The following PIEZO1 variants were observed in gnomAD, a reference collection of about 807,000 sequenced individuals.
The protein encoded by PIEZO1 is piezo type mechanosensitive ion channel component 1 (Er blood group), also known as piezo-type mechanosensitive ion channel component 1.
Under a neutral mutation model 297.2 loss-of-function variants are expected in PIEZO1, and 296 were observed. The ratio of observed to expected loss-of-function variants is 1.00; its 90% CI spans 0.91 to 1.10. The LOEUF is 1.10. PIEZO1 is among the 50% of genes least tolerant of loss of function. The pLI is 0.00. For synonymous variants in PIEZO1, 2,427 were observed against 1,507.5 expected, an observed-to-expected ratio of 1.61 and a Z score of -14.13; for missense variants, 5,018 against 3,455.5, an observed-to-expected ratio of 1.45 and a Z score of -11.34.
intron 21 of PIEZO1, 131 bp from the exon 22 acceptor site, chr16:88,732,041 C>A: frequency 1.2e-5 from 1 of 84,520 alleles, no homozygotes; most frequent in Non-Finnish European, 2.1e-5. Context: ...AAGGACAGGG[C>A]CAGCGGCGCT....
In PIEZO1 at chr16:88,737,730, G is replaced by T; in HGVS notation, c.1105C>A (p.Gln369Lys). 1 of 1,535,404 alleles carries T rather than the reference G, an allele frequency of 6.5e-7. No individual in the cohort carries two copies. The highest frequency in any genetic ancestry group is 1.2e-5 in the South Asian group (1 of 84,054). ...TCTCCACCTGCCTGGCTGCTCACCT[G>T]GTCAGACTCCCGTTCCTGGGGCCAC... ...DQWPQERESD[Q>K]HVVPTAPDTE... Residue 369 changes from glutamine (Q) to lysine (K), a missense_variant and splice_region_variant, in exon 9 of 51, where the codon CAG becomes AAG. Transcript: ENST00000301015.
intron 1 of PIEZO1, among the ~76,000 whole-genome samples, chr16:88,777,876 C>A (rs1907737707): frequency 6.6e-6 from 1 of 152,104 alleles, no homozygotes; most frequent in Admixed American, 6.5e-5. Flanking sequence ...CGAGGCTCCT[C>A]CCGGGCAGGT....
At position 88,721,188 on chromosome 16, in the gene PIEZO1, T is replaced by G. The variant is rs921858722; in HGVS notation, c.5646A>C (p.Ala1882=). ...RFRRRKKEGP[A]RKGAAAIEAE... ...TACCGATGGCTGCCGCTCCTTTCCG[T>G]GCTGGGCCCTCCTTCTTCCTTCTTC... is the stretch of plus-strand genomic sequence containing the variant. Residue 1882 remains alanine (A), a synonymous_variant, in exon 39 of 51, where the codon GCA becomes GCC. Coordinates refer to ENST00000301015, the MANE Select transcript of PIEZO1 (RefSeq NM_001142864.4). 1 of 1,511,688 alleles carries G rather than the reference T, an allele frequency of 6.6e-7. No homozygotes were observed. Among genetic ancestry groups the G allele is most frequent in the Non-Finnish European group, 8.9e-7 (1 of 1,129,934 alleles). 93.6% of individuals were successfully genotyped at this position (1,511,688 alleles called of 1,614,324 possible).
rs1912291386 is a variant in PIEZO1 at position 88,719,694 on chromosome 16, C to T, written c.6351G>A (p.Glu2117=). 1.9e-6 allele frequency: 3 copies of T among 1,552,210 alleles called. No homozygotes were observed. The highest frequency in any genetic ancestry group is 2.0e-5 in the Admixed American group (1 of 51,248). The change falls in exon 44 of 51, where the codon GAG becomes GAA. Residue 2117 remains glutamate, a synonymous_variant. Coordinates refer to ENST00000301015, the MANE Select transcript of PIEZO1 (RefSeq NM_001142864.4). Reference sequence around the variant, plus strand: ...ACACCCAGTCCATCACTGCCCGCAGCTCCACCAGGAACGGCACCAGCCGGA... The same window carrying T: ...ACACCCAGTCCATCACTGCCCGCAGTTCCACCAGGAACGGCACCAGCCGGA... ...QGFRLVPFLV[E]LRAVMDWVWT... is the part of the protein sequence containing the mutation.
chr16:88,768,847 C>T (rs1238952258), intron 1 of PIEZO1, among the ~76,000 whole-genome samples: 1 of 152,252 alleles, frequency 6.6e-6, no homozygotes, highest in Non-Finnish European at 1.5e-5. Context: ...AGGGCCCAGT[C>T]CGGGGCACAG....
chr16:88,743,165 A>C lies in PIEZO1; in HGVS notation c.161-743T>G, dbSNP rs569053656. The C allele has an allele frequency of 1.8e-5, 8 of 455,684 alleles. No individual in the cohort carries two copies. In the East Asian group the frequency reaches 4.9e-4, roughly 28 times the overall value. The allele number at this position is 455,684 out of a possible 1,614,324, so 28.2% of individuals were successfully genotyped here. On this transcript the variant is annotated intron_variant, in intron 2 of 50. Coordinates refer to ENST00000301015, the MANE Select transcript of PIEZO1 (RefSeq NM_001142864.4). ...GCCCCACTGGACTCAGCCCCCCAGC[A>C]GGGAGGCCTTCGGCTGCAGGGCAGG... is the stretch of plus-strand genomic sequence containing the variant.
At chr16:88,769,312 A>C (rs1250399395) in intron 1 of PIEZO1, among the ~76,000 whole-genome samples, 1 of 152,184 alleles carries the variant, frequency 6.6e-6, no homozygotes, top group Non-Finnish European at 1.5e-5. Context: ...ATGGCCTCCC[A>C]AAGTGCTGGG....
In PIEZO1 at chr16:88,732,925, G is replaced by A. The variant is rs2340986; in HGVS notation, c.2665-193C>T. On this transcript the variant is annotated intron_variant, in intron 19 of 50. Transcript: ENST00000301015. ...TGAGAAACAGGGAGACCACGGGCAG[G>A]GGCTGGGGGAGTGAAGAGAGGTCCA... The A allele has an allele frequency of 0.028, 17,498 of 616,782 alleles. 1,358 individuals are homozygous for A. Among genetic ancestry groups the A allele is most frequent in the African/African-American group, 0.21 (11,402 of 54,162 alleles). 38.2% of individuals were successfully genotyped at this position (616,782 alleles called of 1,614,324 possible).
chr16:88,721,630 G>A lies in PIEZO1; in HGVS notation c.5311C>T (p.Pro1771Ser). ...RRYENKPYFP[P>S]RILGLEKTDG... ...GTCTTCTCCAGGCCCAGGATGCGGG[G>A]CGGGAAGTAGGGCTTGTTCTCGTAG... Residue 1771 changes from proline (P) to serine (S), a missense_variant, in exon 38 of 51, where the codon CCC (proline) becomes TCC (serine). Transcript: ENST00000301015. 6.5e-7 allele frequency: 1 copy of A among 1,550,276 alleles called. No individual in the cohort carries two copies. The highest frequency in any genetic ancestry group is 8.7e-7 in the Non-Finnish European group (1 of 1,146,906).
Position 88,716,932 on chromosome 16 carries a change from A to G in PIEZO1, c.6661-34T>C, listed in dbSNP as rs771800409. 5.2e-6 allele frequency: 8 copies of G among 1,547,852 alleles called. No individual in the cohort carries two copies. The South Asian group carries it at 9.5e-5, about 18-fold the overall frequency. ...GGCACGGGGACACGGGGCCACGAAGATGAGCGTGGAGGAGCGGCTGGGGGT... is the reference window on the plus strand; with the variant it reads ...GGCACGGGGACACGGGGCCACGAAGGTGAGCGTGGAGGAGCGGCTGGGGGT... On this transcript the variant is annotated intron_variant, in intron 45 of 50. Transcript: ENST00000301015.
intron 1 of PIEZO1, among the ~76,000 whole-genome samples, chr16:88,765,104 C>T (rs1412989426): frequency 1.3e-5 from 2 of 152,232 alleles, no homozygotes; most frequent in African/African-American, 2.4e-5. Context: ...ATTTACCCAG[C>T]GGCACCCAGC....
chr16:88,732,273 A>T, intron 21 of PIEZO1, 62 bp downstream of exon 21: 1 of 1,417,298 alleles, frequency 7.1e-7, no homozygotes, highest in Non-Finnish European at 9.7e-7. Context: ...TGCACGGTGC[A>T]GCCGTCCCTC....
chr16:88,721,750 G>A (rs368483152), intron 37 of PIEZO1, 24 bp from the exon 38 acceptor site: 192 of 1,535,040 alleles, frequency 1.3e-4, no homozygotes, highest in East Asian at 1.7e-4. Flanking sequence ...GGCTCAGCAC[G>A]CGGGGAGGGT....
At chr16:88,745,333 T>TTTG (rs56957076) in intron 2 of PIEZO1, 122,091 of 151,896 alleles carry the variant, frequency 0.8, 49,208 homozygotes, top group East Asian at 0.95. Context: ...CCCTTCAGCC[T>TTTG]TTCCTGAACC....
In PIEZO1 at chr16:88,731,820, G is replaced by T. The variant is rs150852918; in HGVS notation, c.3082C>A (p.Arg1028Ser). Reference sequence around the variant, plus strand: ...CGGGCAATGGCCTGGCGGTGCCTGCGGGTGAGGATGGCCACCAGCCAGCAA... The same window carrying T: ...CGGGCAATGGCCTGGCGGTGCCTGCTGGTGAGGATGGCCACCAGCCAGCAA... ...HGCWLVAILT[R>S]RHRQAIARLW... Residue 1028 changes from arginine (R) to serine (S), a missense_variant, in exon 22 of 51, where the codon CGC (arginine) becomes AGC (serine). By Grantham distance (110) the Arg-to-Ser change is moderately radical. Transcript: ENST00000301015. 2 of 1,530,958 alleles carry T rather than the reference G, an allele frequency of 1.3e-6. No individual in the cohort carries two copies. The highest frequency in any genetic ancestry group is 1.2e-5 in the South Asian group (1 of 83,128). 94.8% of individuals were successfully genotyped at this position (1,530,958 alleles called of 1,614,324 possible). A position where few individuals can be genotyped will look rare whatever the true frequency, so the allele number is the denominator to read the frequency against.
chr16:88,743,079 G>C (rs1302840586), intron 2 of PIEZO1: 6 of 456,442 alleles, frequency 1.3e-5, no homozygotes, highest in Admixed American at 2.3e-5. Context: ...CCCACACCTG[G>C]CAGGAAGCGG....
At chr16:88,763,560 G>A (rs1907026146) in intron 1 of PIEZO1, among the ~76,000 whole-genome samples, 1 of 152,234 alleles carries the variant, frequency 6.6e-6, no homozygotes, top group African/African-American at 2.4e-5. Context: ...GCACTGACAT[G>A]CCTCGTCACC....
intron 1 of PIEZO1, among the ~76,000 whole-genome samples, chr16:88,763,702 C>T (rs1187076448): frequency 1.3e-5 from 2 of 152,154 alleles, no homozygotes; most frequent in Non-Finnish European, 2.9e-5. Context: ...ACAGCACATT[C>T]CAGAGGCCGC....
chr16:88,748,393 C>T (rs1261313668), intron 2 of PIEZO1, among the ~76,000 whole-genome samples: 1 of 12,070 alleles, frequency 8.3e-5, no homozygotes. Flanking sequence ...AGGCTTGGCA[C>T]GTGGCCTCAC....
Sources: gnomAD v4.1 joint callset for allele counts (sites outside exome capture counted in the v4.1 genomes callset) on GRCh38, gnomAD v4.1.1 for gene constraint, MANE v1.5 for transcripts, NCBI Gene and HGNC (gene_info 2026-07-23, HGNC 2026-07-21) for gene names.